The following NEBL variants were observed in gnomAD, a reference collection of about 807,000 sequenced individuals.
NEBL encodes the protein nebulette, also known as LIM and SH3 protein 2.
NEBL carries 122 observed loss-of-function variants against 140.2 expected under a neutral mutation model. The ratio of observed to expected loss-of-function variants is 0.87; its 90% CI spans 0.75 to 1.01. The LOEUF (loss-of-function observed/expected upper bound fraction) is 1.01, where lower values mean the gene tolerates loss of function less well. Ranked by LOEUF, NEBL falls within the 50% of genes least tolerant of loss-of-function variation. The probability of loss-of-function intolerance (pLI) is 0.00; values close to 1 mark genes in which losing one functional copy is unlikely to be tolerated. For synonymous variants in NEBL, 436 were observed against 398.9 expected (o/e 1.09, Z -1.11); for missense variants, 1,365 against 1,231.3 (o/e 1.11, Z -1.62).
intron 3 of NEBL, among the ~76,000 whole-genome samples, chr10:21,007,183 G>C (rs1838169650): frequency 6.6e-6 from 1 of 152,082 alleles, no homozygotes; most frequent in African/African-American, 2.4e-5. Context: ...CTAAGTCAGG[G>C]GTCAGGTCTT....
At chr10:21,146,726 T>A (rs1012616982) in intron 2 of NEBL, among the ~76,000 whole-genome samples, 7 of 151,120 alleles carry the variant, frequency 4.6e-5, no homozygotes, top group Non-Finnish European at 7.4e-5. Context: ...AAAGTAAAAA[T>A]TTTTTTTAAC....
intron 1 of NEBL, among the ~76,000 whole-genome samples, chr10:21,252,012 G>T (rs1371440617): frequency 6.6e-6 from 1 of 152,148 alleles, no homozygotes; most frequent in African/African-American, 2.4e-5. Flanking sequence ...AAGGAGGGAA[G>T]TCAGGCCTCA....
intron 4 of NEBL, among the ~76,000 whole-genome samples, chr10:20,881,890 T>C (rs1390213464): frequency 6.6e-6 from 1 of 152,230 alleles, no homozygotes. Context: ...GAGTTGGAAT[T>C]ACTTGACATG....
At chr10:20,839,740 A>G (rs1395850428) in intron 13 of NEBL, among the ~76,000 whole-genome samples, 1 of 152,156 alleles carries the variant, frequency 6.6e-6, no homozygotes, top group Non-Finnish European at 1.5e-5. Flanking sequence ...CCCAGACACA[A>G]TGATTATGCC....
intron 2 of NEBL, among the ~76,000 whole-genome samples, chr10:21,080,878 T>C (rs1191785985): frequency 6.6e-6 from 1 of 152,130 alleles, no homozygotes; most frequent in Non-Finnish European, 1.5e-5. Flanking sequence ...TTTTTTGAGA[T>C]GGAGTATCAC....
At position 21,118,423 on chromosome 10, in the gene NEBL, G is replaced by T. The variant is rs61851472; in HGVS notation, c.164+53960C>A. Among the ~76,000 whole-genome samples the T allele has an allele frequency of 2.6e-5, 4 of 152,108 alleles. 1 individual carries two copies. Among genetic ancestry groups the T allele is most frequent in the South Asian group, 4.1e-4 (2 of 4,820 alleles). On this transcript the variant is annotated intron_variant, in intron 2 of 6. Coordinates refer to the NEBL transcript ENST00000417816. ...TTAGTCTAACAGTAAAATCCTGAAC[G>T]CATACTTAAAAAGAAACCTAAATTG... is the stretch of plus-strand genomic sequence containing the variant.
At chr10:20,789,853 T>TTATA (rs537896711) in intron 26 of NEBL, among the ~76,000 whole-genome samples, 3 of 149,404 alleles carry the variant, frequency 2.0e-5, no homozygotes, top group African/African-American at 7.4e-5. Context: ...ATCTCAAATT[T>TTATA]TATATATATA....
chr10:21,246,855 G>A (rs67521725), intron 3 of NEBL, among the ~76,000 whole-genome samples: 8,565 of 151,730 alleles, frequency 0.056, 278 homozygotes, highest in South Asian at 0.16. Flanking sequence ...AAAATAAATT[G>A]GTATATCCAT....
intron 3 of NEBL, among the ~76,000 whole-genome samples, chr10:21,244,289 C>T (rs1303631903): frequency 6.6e-6 from 1 of 151,732 alleles, no homozygotes; most frequent in East Asian, 2.0e-4. Context: ...CCTCAGCCAC[C>T]TGAGTAGTTG....
chr10:21,005,515 G>A (rs75675804), intron 3 of NEBL, among the ~76,000 whole-genome samples: 19,723 of 152,094 alleles, frequency 0.13, 1,950 homozygotes, highest in East Asian at 0.54. Context: ...TGGGGGGATC[G>A]CTTGAGCCCA....
At chr10:21,031,462 C>A (rs759934918) in intron 2 of NEBL, among the ~76,000 whole-genome samples, 1 of 152,172 alleles carries the variant, frequency 6.6e-6, no homozygotes, top group Non-Finnish European at 1.5e-5. Flanking sequence ...CTATTCCTGC[C>A]GCGATGGGAG....
rs1218054237 is a variant in NEBL, at chr10:20,888,191, GT to G, written c.274del (p.Thr92ProfsTer51). 1.9e-6 allele frequency: 3 copies of G among 1,609,690 alleles called. No individual in the cohort carries two copies. The African/African-American group carries it at 4.0e-5, about 22-fold the overall frequency. The stretch of plus-strand genomic sequence containing the variant: ...AGAATTAGAAAGGTCAGCTTTAATG[GT>G]GCCTTTGTATTTTGCCTGGGGGAAA... ...AFISEAKYKG[T>X]IKADLSNSLY... On this transcript the variant is annotated frameshift_variant, in exon 4 of 28. Transcript: ENST00000377122. LOFTEE classifies it high-confidence loss of function.
chr10:21,168,130 A>G (rs1840871297), intron 2 of NEBL, among the ~76,000 whole-genome samples: 1 of 152,240 alleles, frequency 6.6e-6, no homozygotes, highest in South Asian at 2.1e-4. Context: ...GAAATCAAAC[A>G]GAATACTTGT....
intron 4 of NEBL, among the ~76,000 whole-genome samples, chr10:20,951,300 G>T (rs544971316): frequency 2.6e-5 from 4 of 151,802 alleles, no homozygotes; most frequent in African/African-American, 9.7e-5. Flanking sequence ...AAGCAGCATT[G>T]CATGTGATTC....
At chr10:21,032,756 C>G (rs683469) in intron 2 of NEBL, among the ~76,000 whole-genome samples, 92,461 of 151,960 alleles carry the variant, frequency 0.61, 28,171 homozygotes, top group East Asian at 0.73. Context: ...ACCCCTGGCT[C>G]TCTAAAGGGC....
intron 20 of NEBL, chr10:20,818,693 GT>G (rs1296878878): frequency 3.6e-5 from 24 of 671,548 alleles, no homozygotes; most frequent in Non-Finnish European, 4.2e-5. Flanking sequence ...AGGATAGAAA[GT>G]GGGTCTTACC....
chr10:21,047,417 T>C (rs2131844797), intron 2 of NEBL, among the ~76,000 whole-genome samples: 1 of 152,324 alleles, frequency 6.6e-6, no homozygotes, highest in South Asian at 2.1e-4. Flanking sequence ...CATGTGGGGT[T>C]CTGCAATGCT....
intron 7 of NEBL, among the ~76,000 whole-genome samples, chr10:20,866,895 A>G (rs1807358539): frequency 6.6e-6 from 1 of 152,006 alleles, no homozygotes; most frequent in South Asian, 2.1e-4. Flanking sequence ...TTTTCTACTG[A>G]GCCGTTAATC....
chr10:21,005,310 G>T (rs1334605480), intron 3 of NEBL, among the ~76,000 whole-genome samples: 1 of 152,218 alleles, frequency 6.6e-6, no homozygotes, highest in South Asian at 2.1e-4. Context: ...TAAGAAATCA[G>T]CAGGGAGACC....
Sources: allele counts gnomAD v4.1 joint callset (sites outside exome capture counted in the v4.1 genomes callset), GRCh38; gene constraint gnomAD v4.1.1; transcripts MANE v1.5; gene names NCBI Gene and HGNC (gene_info 2026-07-23, HGNC 2026-07-21).